Variants in CDYL2 observed in about 807,000 individuals in gnomAD.
CDYL2 encodes chromodomain Y like 2.
In CDYL2, 23 loss-of-function variants were observed where a neutral mutation model predicts 49.4. That is an observed-to-expected ratio of 0.47 (90% CI 0.34 to 0.66). The LOEUF (loss-of-function observed/expected upper bound fraction) is 0.66. CDYL2 is among the 30% of genes least tolerant of loss of function. CDYL2 has a pLI of 0.01. For synonymous variants in CDYL2, 360 were observed against 268.8 expected, an observed-to-expected ratio of 1.34 and a Z score of -3.32; for missense variants, 678 against 656.4, an observed-to-expected ratio of 1.03 and a Z score of -0.36.
chr16:80,688,732 C>T (rs550528691), intron 1 of CDYL2, among the ~76,000 whole-genome samples: 1 of 152,316 alleles, frequency 6.6e-6, no homozygotes, highest in Non-Finnish European at 1.5e-5. Context: ...TTTTCCTCTT[C>T]TCAGGAGCAC....
intron 2 of CDYL2, among the ~76,000 whole-genome samples, chr16:80,642,667 T>C (rs1597143869): frequency 2.0e-5 from 3 of 151,308 alleles, no homozygotes; most frequent in Non-Finnish European, 4.4e-5. Context: ...TGGAGGGAGG[T>C]GAAAGGCACT....
At chr16:80,743,815 GA>G (rs1905833159) in intron 1 of CDYL2, among the ~76,000 whole-genome samples, 1 of 152,048 alleles carries the variant, frequency 6.6e-6, no homozygotes, top group Admixed American at 6.6e-5. Context: ...AGATAAGTAA[GA>G]ACTGAAAGCA....
rs1189501999 is a variant in CDYL2, at chr16:80,602,241, G to C, written c.*2147C>G. 1.3e-5 allele frequency: 2 copies of C among 152,194 alleles called. No homozygotes were observed. The highest frequency in any genetic ancestry group is 2.9e-5 in the Non-Finnish European group (2 of 68,048). The allele number at this position is 152,194 out of a possible 1,614,324, so 9.4% of individuals were successfully genotyped here. A position where few individuals can be genotyped will look rare whatever the true frequency, so the allele number is the denominator to read the frequency against. On this transcript the variant is annotated 3_prime_UTR_variant, in exon 7 of 7. Coordinates refer to ENST00000570137, the MANE Select transcript of CDYL2 (RefSeq NM_152342.4). ...ACAACAGGCATTTGGGCAAAAGCAG[G>C]TGTCTCCCTATAGTAACTCCCTGTA...
At chr16:80,774,898 A>C (rs1907031072) in intron 1 of CDYL2, among the ~76,000 whole-genome samples, 1 of 139,484 alleles carries the variant, frequency 7.2e-6, no homozygotes, top group Non-Finnish European at 1.5e-5. Context: ...AATTTAGCTA[A>C]ATATTAAAAA....
intron 1 of CDYL2, among the ~76,000 whole-genome samples, chr16:80,771,525 G>T (rs1269588998): frequency 2.0e-5 from 3 of 152,162 alleles, no homozygotes; most frequent in Non-Finnish European, 2.9e-5. Flanking sequence ...CCAACATGGT[G>T]AAACCCCGTA....
chr16:80,669,242 G>A (rs954166648), intron 2 of CDYL2, among the ~76,000 whole-genome samples: 8 of 152,132 alleles, frequency 5.3e-5, no homozygotes, highest in South Asian at 2.1e-4. Context: ...CAAGGTGACC[G>A]GCCTGGCCGA....
At chr16:80,755,337 C>A (rs1221729389) in intron 1 of CDYL2, among the ~76,000 whole-genome samples, 1 of 152,114 alleles carries the variant, frequency 6.6e-6, no homozygotes, top group African/African-American at 2.4e-5. Flanking sequence ...GGCTTCCTTG[C>A]TCCCTCACCT....
chr16:80,618,123 C>T (rs56406899), intron 4 of CDYL2, among the ~76,000 whole-genome samples: 230 of 152,310 alleles, frequency 1.5e-3, no homozygotes, highest in African/African-American at 5.4e-3. Context: ...TTTGAAGCAT[C>T]GAGAAGAATT....
At chr16:80,657,790 C>A (rs1908872905) in intron 2 of CDYL2, among the ~76,000 whole-genome samples, 1 of 151,962 alleles carries the variant, frequency 6.6e-6, no homozygotes, top group South Asian at 2.1e-4. Flanking sequence ...CCCAGCAATC[C>A]CACTTCTAGA....
intron 1 of CDYL2, among the ~76,000 whole-genome samples, chr16:80,753,693 G>T (rs1486219653): frequency 6.6e-6 from 1 of 152,224 alleles, no homozygotes; most frequent in East Asian, 1.9e-4. Context: ...AAGGTAACAT[G>T]GCAAAGTGCC....
intron 6 of CDYL2, 140 bp downstream of exon 6, chr16:80,607,952 A>T: frequency 1.0e-6 from 1 of 962,644 alleles, no homozygotes. Flanking sequence ...GAGAAAAGGC[A>T]TTTGTTAAAT....
chr16:80,737,515 T>A (rs962889745), intron 1 of CDYL2, among the ~76,000 whole-genome samples: 1 of 152,216 alleles, frequency 6.6e-6, no homozygotes, highest in African/African-American at 2.4e-5. Context: ...TACCTTGCTC[T>A]AGGTACCGTG....
intron 2 of CDYL2, among the ~76,000 whole-genome samples, chr16:80,682,418 C>G (rs1910003062): frequency 6.6e-6 from 1 of 152,194 alleles, no homozygotes; most frequent in Admixed American, 6.5e-5. Flanking sequence ...CATGCCTTAT[C>G]ACCAGGTCAT....
At chr16:80,754,121 A>T (rs1000640792) in intron 1 of CDYL2, among the ~76,000 whole-genome samples, 1 of 152,200 alleles carries the variant, frequency 6.6e-6, no homozygotes, top group Non-Finnish European at 1.5e-5. Context: ...TACAAGCTCA[A>T]CACAATCCTA....
At chr16:80,710,408 G>C (rs898084199) in intron 1 of CDYL2, among the ~76,000 whole-genome samples, 2 of 152,054 alleles carry the variant, frequency 1.3e-5, no homozygotes, top group Non-Finnish European at 2.9e-5. Context: ...CAAGTAATTC[G>C]ACAGAATTTA....
chr16:80,672,427 T>A (rs1258870807), intron 2 of CDYL2, among the ~76,000 whole-genome samples: 1 of 144,542 alleles, frequency 6.9e-6, no homozygotes, highest in Non-Finnish European at 1.5e-5. Flanking sequence ...CAGTCAGATA[T>A]CACAGGATAA....
At chr16:80,719,031 G>C (rs573717820) in intron 1 of CDYL2, among the ~76,000 whole-genome samples, 43 of 152,330 alleles carry the variant, frequency 2.8e-4, no homozygotes, top group Admixed American at 1.4e-3. Context: ...CGCTCCCAGA[G>C]AATTGGGCAG....
At chr16:80,715,699 G>T (rs926862505) in intron 1 of CDYL2, among the ~76,000 whole-genome samples, 2 of 151,986 alleles carry the variant, frequency 1.3e-5, no homozygotes, top group African/African-American at 4.8e-5. Context: ...ATGAGAACAT[G>T]TAAAACCCTT....
chr16:80,644,691 C>A (rs763349927), intron 2 of CDYL2, among the ~76,000 whole-genome samples: 2 of 152,160 alleles, frequency 1.3e-5, no homozygotes, highest in Non-Finnish European at 2.9e-5. Context: ...ACCATGAGAA[C>A]AGTATGGGGG....
Sources: allele counts gnomAD v4.1 joint callset (sites outside exome capture counted in the v4.1 genomes callset), GRCh38; gene constraint gnomAD v4.1.1; transcripts MANE v1.5; gene names NCBI Gene and HGNC (gene_info 2026-07-23, HGNC 2026-07-21).